PDCD1LG2: variants seen among roughly 807,000 people sequenced by gnomAD.
PDCD1LG2 encodes programmed cell death 1 ligand 2, also known as B7 dendritic cell molecule.
Under a neutral mutation model 28.2 loss-of-function variants are expected in PDCD1LG2, and 32 were observed. The observed-to-expected ratio is 1.13, with a 90% CI of 0.86 to 1.52. The LOEUF (loss-of-function observed/expected upper bound fraction) is 1.52, where lower values mean the gene tolerates loss of function less well. Among genes scored for constraint, PDCD1LG2 ranks in the 40% most tolerant of loss-of-function variants. The pLI is 0.00. For synonymous variants in PDCD1LG2, 116 were observed against 120.2 expected, an observed-to-expected ratio of 0.97 and a Z score of 0.23; for missense variants, 385 against 323.8, an observed-to-expected ratio of 1.19 and a Z score of -1.45.
chr9:5,554,220 T>C (rs1277390678), intron 4 of PDCD1LG2, among the ~76,000 whole-genome samples: 4 of 152,210 alleles, frequency 2.6e-5, no homozygotes, highest in African/African-American at 7.2e-5. Context: ...GTGTTCATAA[T>C]AAGTGCTCAA....
chr9:5,524,563 G>C (rs1399761857), intron 2 of PDCD1LG2, among the ~76,000 whole-genome samples: 1 of 152,042 alleles, frequency 6.6e-6, no homozygotes, highest in Non-Finnish European at 1.5e-5. Context: ...CTCCTCATGG[G>C]ATTTTTTTAA....
chr9:5,515,695 C>T (rs559872095), intron 1 of PDCD1LG2, among the ~76,000 whole-genome samples: 1 of 151,816 alleles, frequency 6.6e-6, no homozygotes, highest in East Asian at 1.9e-4. Flanking sequence ...GAGGCCGAGG[C>T]GGGTGGATCA....
chr9:5,567,907 A>G (rs1348594991), intron 6 of PDCD1LG2, among the ~76,000 whole-genome samples: 2 of 152,168 alleles, frequency 1.3e-5, no homozygotes, highest in African/African-American at 2.4e-5. Flanking sequence ...CTTTCTATAT[A>G]CTTTTGGTCC....
intron 1 of PDCD1LG2, among the ~76,000 whole-genome samples, chr9:5,517,072 C>T (rs2129697574): frequency 6.6e-6 from 1 of 152,320 alleles, no homozygotes; most frequent in East Asian, 1.9e-4. Flanking sequence ...TCACTGTGAG[C>T]TATGATTGTG....
rs1267562268 is a variant in PDCD1LG2, at chr9:5,540,852, A to G, written c.361+5802A>G. 3.9e-5 allele frequency among the ~76,000 whole-genome samples: 6 copies of G among 152,336 alleles called. No homozygotes were observed. In the East Asian group the frequency reaches 1.2e-3, roughly 29 times the overall value. On this transcript the variant is annotated intron_variant, in intron 3 of 6. Coordinates refer to ENST00000397747, the MANE Select transcript of PDCD1LG2 (RefSeq NM_025239.4). The stretch of plus-strand genomic sequence containing the variant: ...GATAGAGAAAGAGGGAATCCTCCCT[A>G]AATCATTCTATGAAGCCAGTAGCAC...
At chr9:5,563,733 C>A (rs1816612410) in intron 6 of PDCD1LG2, among the ~76,000 whole-genome samples, 1 of 152,128 alleles carries the variant, frequency 6.6e-6, no homozygotes, top group Non-Finnish European at 1.5e-5. Context: ...TCAGGGGAAG[C>A]AGCACATGAT....
chr9:5,534,127 T>A (rs1820534094), intron 2 of PDCD1LG2, among the ~76,000 whole-genome samples: 1 of 152,086 alleles, frequency 6.6e-6, no homozygotes, highest in Non-Finnish European at 1.5e-5. Flanking sequence ...ATTACCTACC[T>A]TGCTGGCTTC....
At position 5,569,122 on chromosome 9, in the gene PDCD1LG2, C is replaced by T. The variant is rs1423202048; in HGVS notation, c.817-832C>T. Reference sequence around the variant, plus strand: ...CTGTTAGGGCATGTATTGTAAACCACTAATTCCAGGCAAAAGTTAGATTTT... The same window carrying T: ...CTGTTAGGGCATGTATTGTAAACCATTAATTCCAGGCAAAAGTTAGATTTT... On this transcript the variant is annotated intron_variant, in intron 6 of 6. Transcript: ENST00000397747. This position sits in a 1 kb window ranked among gnomAD's most constrained non-coding sequence, Gnocchi z 4.1. 6.6e-6 allele frequency among the ~76,000 whole-genome samples: 1 copy of T among 152,190 alleles called. No homozygotes were observed. Among genetic ancestry groups the T allele is most frequent in the Non-Finnish European group, 1.5e-5 (1 of 68,046 alleles).
intron 2 of PDCD1LG2, among the ~76,000 whole-genome samples, chr9:5,532,576 A>T (rs1820503406): frequency 6.6e-6 from 1 of 152,100 alleles, no homozygotes; most frequent in South Asian, 2.1e-4. Flanking sequence ...ATCAAAGCAA[A>T]CTCAGCCTGG....
chr9:5,562,804 T>C (rs1203737333), intron 5 of PDCD1LG2, among the ~76,000 whole-genome samples: 1 of 152,212 alleles, frequency 6.6e-6, no homozygotes, highest in African/African-American at 2.4e-5. Context: ...CATTCTGACC[T>C]GGACCAGGGA....
intron 3 of PDCD1LG2, among the ~76,000 whole-genome samples, chr9:5,543,496 A>G (rs531506707): frequency 1.4e-5 from 2 of 144,664 alleles, no homozygotes; most frequent in Non-Finnish European, 3.0e-5. Context: ...CAGAGGTCGC[A>G]CCACTGCACT....
rs1377627300 is a variant in PDCD1LG2 at position 5,569,853 on chromosome 9, A to G, written c.817-101A>G. The G allele has an allele frequency of 7.6e-5, 93 of 1,221,542 alleles. No individual in the cohort carries two copies. Among genetic ancestry groups the G allele is most frequent in the Non-Finnish European group, 1.0e-4 (87 of 834,996 alleles). The allele number at this position is 1,221,542 out of a possible 1,614,324, so 75.7% of individuals were successfully genotyped here. On this transcript the variant is annotated intron_variant, in intron 6 of 6. Transcript: ENST00000397747. The surrounding 1 kb of genome is among the most constrained non-coding windows in gnomAD (Gnocchi z 4.1). ...AACCATGCGGCTTCCAGCTAGATGA[A>G]CTTTTTTAAAAAAATTAGTTCCTCA...
At chr9:5,547,764 C>T (rs1816241512) in intron 3 of PDCD1LG2, among the ~76,000 whole-genome samples, 2 of 151,742 alleles carry the variant, frequency 1.3e-5, no homozygotes, top group African/African-American at 4.8e-5. Flanking sequence ...TGGTGAAACC[C>T]CATCTCTACT....
Position 5,549,743 on chromosome 9 carries a change from G to C in PDCD1LG2, c.631+139G>C, listed in dbSNP as rs115137266. On this transcript the variant is annotated intron_variant, in intron 4 of 6. Coordinates refer to ENST00000397747, the MANE Select transcript of PDCD1LG2 (RefSeq NM_025239.4). ...ATCACCATTTGGAGAAACTACAAAG[G>C]ATAGTGCAGAACACTGGGGCTTCAA... 9,158 of 1,084,610 alleles carry C rather than the reference G, an allele frequency of 8.4e-3. 420 individuals carry two copies. In the African/African-American group the frequency reaches 0.11, roughly 13 times the overall value. The allele number at this position is 1,084,610 out of a possible 1,614,324, so 67.2% of individuals were successfully genotyped here. A position where few individuals can be genotyped will look rare whatever the true frequency, so the allele number is the denominator to read the frequency against.
chr9:5,549,501 C>T lies in PDCD1LG2; in HGVS notation c.528C>T (p.Val176=), dbSNP rs772927234. The stretch of plus-strand genomic sequence containing the variant: ...GGACCCCTGAAGGCCTCTACCAGGT[C>T]ACCAGTGTTCTGCGCCTAAAGCCAC... ...HSRTPEGLYQ[V]TSVLRLKPPP... The change falls in exon 4 of 7, where the codon GTC becomes GTT. Residue 176 remains valine, a synonymous_variant. Coordinates refer to ENST00000397747, the MANE Select transcript of PDCD1LG2 (RefSeq NM_025239.4). The T allele has an allele frequency of 6.2e-7, 1 of 1,614,104 alleles. No homozygotes were observed. Among genetic ancestry groups the T allele is most frequent in the Admixed American group, 1.7e-5 (1 of 60,004 alleles).
In PDCD1LG2 at chr9:5,529,023, C is replaced by T. The variant is rs150558483; in HGVS notation, c.56-5722C>T. On this transcript the variant is annotated intron_variant, in intron 2 of 6. Coordinates refer to ENST00000397747, the MANE Select transcript of PDCD1LG2 (RefSeq NM_025239.4). ...GGATTACAGGTGTGAGCCACTGCCACGACCTTAAGAGTTCTTTATTCTAGA... is the reference window on the plus strand; with the variant it reads ...GGATTACAGGTGTGAGCCACTGCCATGACCTTAAGAGTTCTTTATTCTAGA... 4.8e-3 allele frequency among the ~76,000 whole-genome samples: 735 copies of T among 152,334 alleles called. 4 individuals are homozygous for T. The highest frequency in any genetic ancestry group is 0.01 in the African/African-American group (422 of 41,576).
intron 3 of PDCD1LG2, among the ~76,000 whole-genome samples, chr9:5,544,459 C>G (rs931279365): frequency 3.9e-5 from 6 of 152,190 alleles, no homozygotes; most frequent in Admixed American, 2.6e-4. Flanking sequence ...GAAATACCTT[C>G]CCTTCTCCCT....
At chr9:5,565,628 T>C (rs1262410118) in intron 6 of PDCD1LG2, among the ~76,000 whole-genome samples, 1 of 152,238 alleles carries the variant, frequency 6.6e-6, no homozygotes, top group African/African-American at 2.4e-5. Context: ...TCTATGTGTC[T>C]ATATTTTAGG....
chr9:5,512,000 A>G (rs534453033), intron 1 of PDCD1LG2, among the ~76,000 whole-genome samples: 1 of 152,214 alleles, frequency 6.6e-6, no homozygotes, highest in African/African-American at 2.4e-5. Context: ...CAGGAGAATC[A>G]CCAGAAATGA....
Sources: gnomAD v4.1 joint callset for allele counts (sites outside exome capture counted in the v4.1 genomes callset) on GRCh38, gnomAD v4.1.1 for gene constraint, Gnocchi (gnomAD v3.1) non-coding constraint, MANE v1.5 for transcripts, NCBI Gene and HGNC (gene_info 2026-07-23, HGNC 2026-07-21) for gene names.